Variants in SMU1 observed in about 807,000 individuals in gnomAD.
The protein encoded by SMU1 is SMU1 DNA replication regulator and spliceosomal factor.
A neutral mutation model predicts 62.0 loss-of-function variants in SMU1; 2 were observed. That is an observed-to-expected ratio of 0.03 (90% CI 0.01 to 0.10). The LOEUF (loss-of-function observed/expected upper bound fraction) is 0.10. Among genes scored for constraint, SMU1 ranks in the 10% least tolerant of loss-of-function variants. The pLI is 1.00. For missense variants in SMU1, 227 were observed against 622.1 expected (o/e 0.36, Z 6.76); for synonymous variants, 188 against 212.4 (o/e 0.89, Z 1.00).
rs773881837 is a variant in SMU1, at chr9:33,042,262, C to G, written c.*5031G>C. ...TGTAGTTTTTCAGCTTGTATTATTACTACCACTAACAGCCTCTGTTGAACC... is the reference window on the plus strand; with the variant it reads ...TGTAGTTTTTCAGCTTGTATTATTAGTACCACTAACAGCCTCTGTTGAACC... On this transcript the variant is annotated 3_prime_UTR_variant, in exon 12 of 12. Transcript: ENST00000397149. The G allele has an allele frequency of 1.3e-5, 2 of 152,780 alleles. No homozygotes were observed. Among genetic ancestry groups the G allele is most frequent in the Admixed American group, 6.5e-5 (1 of 15,276 alleles). 9.5% of individuals were successfully genotyped at this position (152,780 alleles called of 1,614,324 possible).
intron 6 of SMU1, among the ~76,000 whole-genome samples, chr9:33,059,582 C>A (rs951706191): frequency 2.1e-5 from 3 of 145,544 alleles, no homozygotes; most frequent in African/African-American, 7.9e-5. Context: ...AAGGGCGAAA[C>A]TCTGTTTTGT....
intron 4 of SMU1, among the ~76,000 whole-genome samples, chr9:33,066,590 G>A (rs576847998): frequency 2.0e-5 from 3 of 150,314 alleles, no homozygotes; most frequent in Admixed American, 6.6e-5. Context: ...GGCAGATCAC[G>A]AGGTCAAGAG....
chr9:33,069,360 T>C (rs549781861), intron 3 of SMU1, among the ~76,000 whole-genome samples: 1 of 152,376 alleles, frequency 6.6e-6, no homozygotes, highest in East Asian at 1.9e-4. Flanking sequence ...CACCTCTAAG[T>C]TAAATCCTGT....
chr9:33,060,361 C>T, intron 6 of SMU1, 104 bp downstream of exon 6: 1 of 1,005,280 alleles, frequency 9.9e-7, no homozygotes, highest in Non-Finnish European at 1.5e-6. Flanking sequence ...ATGTTCATTA[C>T]ATACAGATCC....
chr9:33,047,216 A>C lies in SMU1; in HGVS notation c.*77T>G, dbSNP rs1839195805. 31 of 1,000,060 alleles carry C rather than the reference A, an allele frequency of 3.1e-5. No individual in the cohort carries two copies. The highest frequency in any genetic ancestry group is 5.7e-5 in the Admixed American group (2 of 34,786). The allele number at this position is 1,000,060 out of a possible 1,614,324, so 61.9% of individuals were successfully genotyped here. A position where few individuals can be genotyped will look rare whatever the true frequency, so the allele number is the denominator to read the frequency against. ...CTATTTGCTTAGAAAAGCTGGCAAA[A>C]AAAAAAAAAAGCACATTACATGAAT... On this transcript the variant is annotated 3_prime_UTR_variant, in exon 12 of 12. Transcript: ENST00000397149.
intron 6 of SMU1, 98 bp from the exon 7 acceptor site, chr9:33,057,812 C>A: frequency 6.7e-7 from 1 of 1,485,906 alleles, no homozygotes; most frequent in Non-Finnish European, 9.1e-7. Context: ...ATTGTACCTA[C>A]TCTAAACCCC....
chr9:33,055,765 C>T lies in SMU1; in HGVS notation c.1122+348G>A, dbSNP rs563373493. On this transcript the variant is annotated intron_variant, in intron 9 of 11. Transcript: ENST00000397149. ...CTATTTATTAGGCCACTGAGACTTT[C>T]GTGAATTTGACTGTTAGCAGGTGGA... is the stretch of plus-strand genomic sequence containing the variant. 4.6e-5 allele frequency among the ~76,000 whole-genome samples: 7 copies of T among 152,262 alleles called. No individual in the cohort carries two copies. The East Asian group carries it at 9.6e-4, about 21-fold the overall frequency.
rs993131781 is a variant in SMU1 at position 33,042,388 on chromosome 9, C to T, written c.*4905G>A. 4.6e-5 allele frequency: 7 copies of T among 152,628 alleles called. No homozygotes were observed. The highest frequency in any genetic ancestry group is 7.2e-5 in the African/African-American group (3 of 41,442). The allele number at this position is 152,628 out of a possible 1,614,324, so 9.5% of individuals were successfully genotyped here. A position where few individuals can be genotyped will look rare whatever the true frequency, so the allele number is the denominator to read the frequency against. On this transcript the variant is annotated 3_prime_UTR_variant, in exon 12 of 12. Coordinates refer to ENST00000397149, the MANE Select transcript of SMU1 (RefSeq NM_018225.3). Reference sequence around the variant, plus strand: ...CTATGAAACAGAGCCTATGAAAAAACATTAACCAAGGTCATCATCCACAAA... The same window carrying T: ...CTATGAAACAGAGCCTATGAAAAAATATTAACCAAGGTCATCATCCACAAA...
intron 2 of SMU1, among the ~76,000 whole-genome samples, chr9:33,073,172 G>A (rs969741148): frequency 6.6e-6 from 1 of 152,116 alleles, no homozygotes; most frequent in African/African-American, 2.4e-5. Flanking sequence ...CAAGGCTGGC[G>A]AACTGCTTGA....
At chr9:33,055,161 C>CATAT (rs143446559) in intron 9 of SMU1, among the ~76,000 whole-genome samples, 17 of 151,384 alleles carry the variant, frequency 1.1e-4, no homozygotes, top group Non-Finnish European at 1.5e-4. Context: ...GACATATATA[C>CATAT]ATATATATAT....
chr9:33,072,659 C>T (rs770762392), intron 2 of SMU1, among the ~76,000 whole-genome samples: 4 of 151,650 alleles, frequency 2.6e-5, no homozygotes, highest in Admixed American at 6.6e-5. Context: ...GGTGAAACCC[C>T]GTCTCTACTA....
intron 4 of SMU1, among the ~76,000 whole-genome samples, chr9:33,064,055 G>A (rs1041100233): frequency 1.3e-5 from 2 of 151,926 alleles, no homozygotes; most frequent in Non-Finnish European, 2.9e-5. Flanking sequence ...GAGCTTTAAC[G>A]TGATAAAGGT....
In SMU1 at chr9:33,044,247, C is replaced by T. The variant is rs1352777287; in HGVS notation, c.*3046G>A. The T allele has an allele frequency of 6.6e-6, 1 of 152,418 alleles. No individual in the cohort carries two copies. Among genetic ancestry groups the T allele is most frequent in the Non-Finnish European group, 1.5e-5 (1 of 68,074 alleles). The allele number at this position is 152,418 out of a possible 1,614,324, so 9.4% of individuals were successfully genotyped here. The stretch of plus-strand genomic sequence containing the variant: ...TTCAGAAGGAAGTGAGCACTGATTC[C>T]CGGCAGCCAACTCCCGTTCGCGCAG... On this transcript the variant is annotated 3_prime_UTR_variant, in exon 12 of 12. Transcript: ENST00000397149.
intron 10 of SMU1, among the ~76,000 whole-genome samples, chr9:33,051,092 G>A (rs1301619449): frequency 9.1e-6 from 1 of 110,092 alleles, no homozygotes; most frequent in South Asian, 2.5e-4. Flanking sequence ...CTGCACTCCA[G>A]CCTGGGCGAC....
rs1177360414 is a variant in SMU1 at position 33,044,264 on chromosome 9, T to G, written c.*3029A>C. On this transcript the variant is annotated 3_prime_UTR_variant, in exon 12 of 12. Coordinates refer to ENST00000397149, the MANE Select transcript of SMU1 (RefSeq NM_018225.3). ...ACTGATTCCCGGCAGCCAACTCCCG[T>G]TCGCGCAGCCGCTGCCACCGGCCCT... The G allele has an allele frequency of 6.6e-6, 1 of 152,446 alleles. No homozygotes were observed. The highest frequency in any genetic ancestry group is 1.9e-4 in the East Asian group (1 of 5,208). The allele number at this position is 152,446 out of a possible 1,614,324, so 9.4% of individuals were successfully genotyped here. A position where few individuals can be genotyped will look rare whatever the true frequency, so the allele number is the denominator to read the frequency against.
chr9:33,059,040 A>G (rs1287501606), intron 6 of SMU1, among the ~76,000 whole-genome samples: 1 of 152,170 alleles, frequency 6.6e-6, no homozygotes, highest in African/African-American at 2.4e-5. Context: ...TTTCACATAG[A>G]AAAAGATGTT....
At chr9:33,051,873 G>C (rs1055497080) in intron 10 of SMU1, among the ~76,000 whole-genome samples, 2 of 151,906 alleles carry the variant, frequency 1.3e-5, no homozygotes, top group Non-Finnish European at 2.9e-5. Context: ...TGACCAACTT[G>C]GAGTGACCCC....
intron 11 of SMU1, 137 bp from the exon 12 acceptor site, chr9:33,047,528 G>A: frequency 1.7e-6 from 1 of 605,698 alleles, no homozygotes; most frequent in South Asian, 2.3e-5. Context: ...GAAAGATGGA[G>A]GAGGGTTTTC....
In SMU1 at chr9:33,047,260, T is replaced by C. The variant is rs1421672907; in HGVS notation, c.*33A>G. 3.4e-6 allele frequency: 5 copies of C among 1,474,726 alleles called. No individual in the cohort carries two copies. The highest frequency in any genetic ancestry group is 4.6e-5 in the East Asian group (2 of 43,702). The allele number at this position is 1,474,726 out of a possible 1,614,324, so 91.4% of individuals were successfully genotyped here. A position where few individuals can be genotyped will look rare whatever the true frequency, so the allele number is the denominator to read the frequency against. ...CATGAATATGCTTCATTTAAGTACA[T>C]GCTTTCGAGCTGATTTAAAAAGAAA... On this transcript the variant is annotated 3_prime_UTR_variant, in exon 12 of 12. Transcript: ENST00000397149.
Sources: allele counts gnomAD v4.1 joint callset (sites outside exome capture counted in the v4.1 genomes callset), GRCh38; gene constraint gnomAD v4.1.1; transcripts MANE v1.5; gene names NCBI Gene and HGNC (gene_info 2026-07-23, HGNC 2026-07-21).